SIGLEC6: variants seen among roughly 807,000 people sequenced by gnomAD.
SIGLEC6 encodes sialic acid-binding Ig-like lectin 6.
A neutral mutation model predicts 41.4 loss-of-function variants in SIGLEC6; 31 were observed. The ratio of observed to expected loss-of-function variants is 0.75; its 90% CI spans 0.56 to 1.01. SIGLEC6 has a LOEUF of 1.01. Ranked by LOEUF, SIGLEC6 falls within the 50% of genes least tolerant of loss-of-function variation. The pLI, the probability that SIGLEC6 is intolerant of heterozygous loss-of-function variation, is 0.00. For synonymous variants in SIGLEC6, 217 were observed against 231.0 expected, an observed-to-expected ratio of 0.94 and a Z score of 0.55; for missense variants, 555 against 558.6, an observed-to-expected ratio of 0.99 and a Z score of 0.06.
intron 4 of SIGLEC6, 145 bp downstream of exon 4, chr19:51,530,292 C>T (rs1203730636): frequency 2.6e-5 from 20 of 775,820 alleles, no homozygotes; most frequent in Non-Finnish European, 3.5e-5. Flanking sequence ...GCCGAAGAGG[C>T]GACAAAGGCT....
At chr19:51,525,695 C>T (rs971642204) in intron 7 of SIGLEC6, among the ~76,000 whole-genome samples, 3 of 152,230 alleles carry the variant, frequency 2.0e-5, no homozygotes, top group African/African-American at 4.8e-5. Context: ...AAGCACCATA[C>T]AGAAAGGAGC....
intron 7 of SIGLEC6, among the ~76,000 whole-genome samples, chr19:51,522,354 G>A (rs1049586299): frequency 5.3e-5 from 8 of 152,240 alleles, no homozygotes; most frequent in African/African-American, 1.9e-4. Flanking sequence ...ACGATGTCCA[G>A]TATGCCACCA....
Position 51,530,953 on chromosome 19 carries a change from G to A in SIGLEC6, c.434C>T (p.Thr145Ile), listed in dbSNP as rs944867934. 6.2e-6 allele frequency: 10 copies of A among 1,611,244 alleles called. No homozygotes were observed. The highest frequency in any genetic ancestry group is 3.3e-4 in the Middle Eastern group (2 of 6,050). The change falls in exon 3 of 8, where the codon ACC becomes ATC. Residue 145 changes from threonine (T) to isoleucine (I), a missense_variant. Thr to Ile is a moderately conservative substitution (Grantham distance 89, BLOSUM62 -1). Transcript: ENST00000425629. ...TGGGATGGAGATGTTGGGCCTGTGG[G>A]TCAGGGCTGGTGAGGAGATGGGGAC... The part of the protein sequence containing the change: ...SKLSVRVMAL[T>I]HRPNISIPGT...
chr19:51,531,377 T>C lies in SIGLEC6; in HGVS notation c.210A>G (p.Glu70=). The change falls in exon 2 of 8, where the codon GAA becomes GAG. Residue 70 remains glutamate (E), a synonymous_variant. Coordinates refer to ENST00000425629, the MANE Select transcript of SIGLEC6 (RefSeq NM_001245.7). ...TTGTGGCCACTGGAACATCAGCCCC[T>C]TCCAGGAACCAGTAGCCATAACCAT... The part of the protein sequence containing the change: ...SYYGYGYWFL[E]GADVPVATND... 6.2e-7 allele frequency: 1 copy of C among 1,614,132 alleles called. No individual in the cohort carries two copies. Among genetic ancestry groups the C allele is most frequent in the Non-Finnish European group, 8.5e-7 (1 of 1,180,006 alleles).
At chr19:51,526,577 A>G (rs1316360127) in intron 7 of SIGLEC6, among the ~76,000 whole-genome samples, 1 of 152,236 alleles carries the variant, frequency 6.6e-6, no homozygotes, top group South Asian at 2.1e-4. Flanking sequence ...GTAAGGGAAC[A>G]TGAGCCCACA....
intron 5 of SIGLEC6, 86 bp downstream of exon 5, chr19:51,529,638 C>T: frequency 5.8e-6 from 9 of 1,557,264 alleles, no homozygotes; most frequent in Non-Finnish European, 7.0e-6. Context: ...GGAGGGAGGA[C>T]AGGACTTAGC....
At position 51,531,483 on chromosome 19, in the gene SIGLEC6, C is replaced by T; in HGVS notation, c.104G>A (p.Gly35Glu). 4 of 1,613,844 alleles carry T rather than the reference C, an allele frequency of 2.5e-6. No homozygotes were observed. The highest frequency in any genetic ancestry group is 3.4e-6 in the Non-Finnish European group (4 of 1,179,880). Residue 35 changes from glycine (G) to glutamate (E), a missense_variant, in exon 2 of 8, where the codon GGG becomes GAG. Coordinates refer to ENST00000425629, the MANE Select transcript of SIGLEC6 (RefSeq NM_001245.7). Reference protein sequence around the residue: ...LAQERRFQLEGPESLTVQEGL... With the variant: ...LAQERRFQLEEPESLTVQEGL... Reference sequence around the variant, plus strand: ...CTCCTGCACCGTCAGTGACTCTGGCCCCTCCAGCTGGAATCTCCGCTCCTG... The same window carrying T: ...CTCCTGCACCGTCAGTGACTCTGGCTCCTCCAGCTGGAATCTCCGCTCCTG...
At position 51,520,172 on chromosome 19, in the gene SIGLEC6, G is replaced by T. The variant is rs750251468; in HGVS notation, c.1272C>A (p.Leu424=). 7 of 1,609,388 alleles carry T rather than the reference G, an allele frequency of 4.3e-6. No individual in the cohort carries two copies. The Admixed American group carries it at 1.0e-4, about 23-fold the overall frequency. The change falls in exon 8 of 8, where the codon CTC becomes CTA. Residue 424 remains leucine (L), a synonymous_variant. Coordinates refer to ENST00000425629, the MANE Select transcript of SIGLEC6 (RefSeq NM_001245.7). The part of the protein sequence containing the change: ...AGPISEDEQE[L]HYAVLHFHKV... ...TGTGGAAGTGTAGGACAGCGTAGTG[G>T]AGCTCCTGCTCATCTTCTGAGATGG... is the stretch of plus-strand genomic sequence containing the variant.
chr19:51,530,108 C>A, intron 4 of SIGLEC6, 127 bp from the exon 5 acceptor site: 1 of 1,161,854 alleles, frequency 8.6e-7, no homozygotes. Context: ...CTCAGGTCTT[C>A]AGAAAAGCCC....
intron 7 of SIGLEC6, among the ~76,000 whole-genome samples, chr19:51,526,279 G>A (rs975970163): frequency 6.6e-6 from 1 of 152,044 alleles, no homozygotes; most frequent in Non-Finnish European, 1.5e-5. Context: ...GCACTTGAGT[G>A]AGAGAGGAGC....
chr19:51,531,344 T>C lies in SIGLEC6; in HGVS notation c.243A>G (p.Pro81=). The stretch of plus-strand genomic sequence containing the variant: ...GGGTCTCCTCCTGCACTTCTTCGTC[T>C]GGGTCGTTTGTGGCCACTGGAACAT... ...GADVPVATND[P]DEEVQEETRG... Residue 81 remains proline, a synonymous_variant, in exon 2 of 8, where the codon CCA becomes CCG. Transcript: ENST00000425629. 2 of 1,614,178 alleles carry C rather than the reference T, an allele frequency of 1.2e-6. No individual in the cohort carries two copies. Among genetic ancestry groups the C allele is most frequent in the Non-Finnish European group, 8.5e-7 (1 of 1,180,004 alleles).
In SIGLEC6 at chr19:51,520,006, T is replaced by TG. The variant is rs894816267; in HGVS notation, c.*75dup. Reference sequence around the variant, plus strand: ...TGTCACTCGGTTTGTGGTACATTGCTGTGGCAGCCCTAGTAACCAATACAC... The same window carrying TG: ...TGTCACTCGGTTTGTGGTACATTGCTGGTGGCAGCCCTAGTAACCAATACAC... On this transcript the variant is annotated 3_prime_UTR_variant, in exon 8 of 8. Coordinates refer to ENST00000425629, the MANE Select transcript of SIGLEC6 (RefSeq NM_001245.7). 1.6e-6 allele frequency: 2 copies of TG among 1,262,334 alleles called. No homozygotes were observed. Among genetic ancestry groups the TG allele is most frequent in the Non-Finnish European group, 2.2e-6 (2 of 925,220 alleles). The allele number at this position is 1,262,334 out of a possible 1,614,324, so 78.2% of individuals were successfully genotyped here.
chr19:51,524,711 C>T (rs539080419), intron 7 of SIGLEC6, among the ~76,000 whole-genome samples: 9 of 152,202 alleles, frequency 5.9e-5, no homozygotes, highest in African/African-American at 1.4e-4. Flanking sequence ...ATGGAGTGTG[C>T]GCCACTCTAA....
chr19:51,528,400 C>T (rs1309212751), intron 5 of SIGLEC6, 147 bp from the exon 6 acceptor site: 1 of 666,354 alleles, frequency 1.5e-6, no homozygotes, highest in Non-Finnish European at 2.7e-6. Flanking sequence ...CGGAACCAGC[C>T]TCTTCTCTCT....
intron 7 of SIGLEC6, among the ~76,000 whole-genome samples, chr19:51,523,506 A>G (rs1341023060): frequency 6.6e-6 from 1 of 152,258 alleles, no homozygotes; most frequent in African/African-American, 2.4e-5. Context: ...AACCACACCT[A>G]GGCATGTCAT....
intron 3 of SIGLEC6, 27 bp from the exon 4 acceptor site, chr19:51,530,511 A>G: frequency 6.2e-7 from 1 of 1,613,992 alleles, no homozygotes. Context: ...TGGCCGCCTC[A>G]ACATCCCTGA....
rs781704009 is a variant in SIGLEC6 at position 51,528,232 on chromosome 19, C to T, written c.1034G>A (p.Gly345Asp). 1.2e-6 allele frequency: 2 copies of T among 1,613,980 alleles called. No homozygotes were observed. The highest frequency in any genetic ancestry group is 1.3e-5 in the African/African-American group (1 of 74,920). ...TCCCCAGACTGCTCCCAGGACACCA[C>T]CAGCCCTGCCTTCTGGTTTCCCTAT... ...FVHWKPEGRA[G>D]GVLGAVWGAS... Residue 345 changes from glycine (G) to aspartate (D), a missense_variant, in exon 6 of 8, where the codon GGT (glycine) becomes GAT (aspartate). By Grantham distance (94) the Gly-to-Asp change is moderately conservative. Transcript: ENST00000425629.
intron 5 of SIGLEC6, chr19:51,529,396 T>C (rs1337132566): frequency 1.1e-5 from 4 of 374,014 alleles, no homozygotes; most frequent in Non-Finnish European, 2.0e-5. Context: ...TGCTCTGGGA[T>C]GTTCTGGGCC....
intron 7 of SIGLEC6, among the ~76,000 whole-genome samples, chr19:51,521,123 G>T (rs1022958597): frequency 6.6e-6 from 1 of 152,180 alleles, no homozygotes; most frequent in African/African-American, 2.4e-5. Flanking sequence ...CAGAGACCGG[G>T]TCCTGCAGTA....
Sources: gnomAD v4.1 joint callset for allele counts (sites outside exome capture counted in the v4.1 genomes callset) on GRCh38, gnomAD v4.1.1 for gene constraint, MANE v1.5 for transcripts, NCBI Gene and HGNC (gene_info 2026-07-23, HGNC 2026-07-21) for gene names.